The following WWOX variants were observed in gnomAD, a reference collection of about 807,000 sequenced individuals.
WWOX encodes the protein WW domain containing oxidoreductase.
A neutral mutation model predicts 46.2 loss-of-function variants in WWOX; 69 were observed. The ratio of observed to expected loss-of-function variants is 1.49; its 90% CI spans 1.23 to 1.82. The LOEUF is 1.82. WWOX is among the 40% of genes most tolerant of loss of function. The pLI is 0.00. For synonymous variants in WWOX, 359 were observed against 202.6 expected (o/e 1.77, Z -6.56); for missense variants, 919 against 542.6 (o/e 1.69, Z -6.89).
At chr16:78,873,293 G>C (rs2044166263) in intron 8 of WWOX, 1 of 152,200 alleles carries the variant, frequency 6.6e-6, no homozygotes, top group Non-Finnish European at 1.5e-5. Flanking sequence ...CCAACGTGTA[G>C]CTCCTAATTG....
chr16:78,463,749 C>T (rs1013906862), intron 8 of WWOX, among the ~76,000 whole-genome samples: 36 of 152,202 alleles, frequency 2.4e-4, no homozygotes, highest in Admixed American at 2.0e-3. Flanking sequence ...ATGCTTACTT[C>T]ATCCCAGGGC....
intron 8 of WWOX, among the ~76,000 whole-genome samples, chr16:78,869,737 T>C (rs2151201264): frequency 6.6e-6 from 1 of 152,354 alleles, no homozygotes; most frequent in Admixed American, 6.5e-5. Flanking sequence ...TGTAGATTTC[T>C]AGTTTCTAAA....
intron 8 of WWOX, among the ~76,000 whole-genome samples, chr16:78,546,360 G>A (rs935702613): frequency 5.3e-5 from 8 of 152,146 alleles, no homozygotes; most frequent in African/African-American, 1.4e-4. Context: ...TTTAAGGCCC[G>A]GTTCTGTATA....
At chr16:79,176,508 G>T (rs768026161) in intron 8 of WWOX, among the ~76,000 whole-genome samples, 4 of 152,200 alleles carry the variant, frequency 2.6e-5, no homozygotes, top group Non-Finnish European at 5.9e-5. Context: ...GATACACACA[G>T]TTTTCTCCCC....
intron 8 of WWOX, among the ~76,000 whole-genome samples, chr16:78,639,210 A>G (rs903439105): frequency 3.3e-5 from 5 of 152,194 alleles, no homozygotes; most frequent in African/African-American, 1.2e-4. Context: ...GTACTTCTGC[A>G]TGTGCGCAAA....
At chr16:79,013,207 C>A (rs1042339076) in intron 8 of WWOX, among the ~76,000 whole-genome samples, 2 of 152,226 alleles carry the variant, frequency 1.3e-5, no homozygotes, top group Non-Finnish European at 2.9e-5. Context: ...GCTCACTGTG[C>A]AGGAAGAGGC....
chr16:78,780,504 A>G (rs1297989268), intron 8 of WWOX: 1 of 152,252 alleles, frequency 6.6e-6, no homozygotes, highest in African/African-American at 2.4e-5. Flanking sequence ...GAAGAAGACA[A>G]TAGGCAAGTA....
At chr16:79,139,605 TC>T (rs2050049596) in intron 8 of WWOX, among the ~76,000 whole-genome samples, 2 of 152,202 alleles carry the variant, frequency 1.3e-5, no homozygotes, top group African/African-American at 4.8e-5. Context: ...TTTCTTTCTT[TC>T]TTTCTTTTCT....
intron 8 of WWOX, among the ~76,000 whole-genome samples, chr16:78,831,190 G>A (rs1275434366): frequency 6.6e-6 from 1 of 151,512 alleles, no homozygotes; most frequent in Non-Finnish European, 1.5e-5. Context: ...GGCTGTCTGA[G>A]CACCATCTCT....
intron 8 of WWOX, among the ~76,000 whole-genome samples, chr16:78,925,579 A>G (rs2045479575): frequency 6.6e-6 from 1 of 152,206 alleles, no homozygotes; most frequent in South Asian, 2.1e-4. Flanking sequence ...CAGAAGGGGT[A>G]GTATTACAGG....
intron 5 of WWOX, among the ~76,000 whole-genome samples, chr16:78,358,069 A>C (rs1049793172): frequency 6.6e-6 from 1 of 152,216 alleles, no homozygotes; most frequent in East Asian, 1.9e-4. Context: ...ATCTTTCTGC[A>C]TACACTTGGA....
Position 78,806,209 on chromosome 16 carries a change from C to G in WWOX, c.1056+373457C>G, listed in dbSNP as rs73575683. On this transcript the variant is annotated intron_variant, in intron 8 of 8. Coordinates refer to ENST00000566780, the MANE Select transcript of WWOX (RefSeq NM_016373.4). ...CTTGGTGTTTTTCTACAACCAAGAC[C>G]TTGAACTTTTTCCTCTCAGGATTTC... 5.4e-3 allele frequency among the ~76,000 whole-genome samples: 820 copies of G among 152,182 alleles called. 13 individuals are homozygous for G. The highest frequency in any genetic ancestry group is 0.019 in the African/African-American group (786 of 41,534).
At chr16:78,889,696 G>A (rs886513095) in intron 8 of WWOX, among the ~76,000 whole-genome samples, 11 of 152,030 alleles carry the variant, frequency 7.2e-5, no homozygotes, top group Non-Finnish European at 1.3e-4. Flanking sequence ...CTCAGTGTGG[G>A]CAGGTGACAA....
At chr16:78,389,370 G>T in intron 6 of WWOX, among the ~76,000 whole-genome samples, 1 of 152,130 alleles carries the variant, frequency 6.6e-6, no homozygotes, top group East Asian at 1.9e-4. Flanking sequence ...GAGAGTGGTG[G>T]CCCTGGAAGC....
intron 5 of WWOX, among the ~76,000 whole-genome samples, chr16:78,282,795 T>G (rs1473377463): frequency 6.7e-6 from 1 of 149,478 alleles, no homozygotes; most frequent in Non-Finnish European, 1.5e-5. Context: ...GGAGAATCGC[T>G]TGAACCTCGG....
chr16:78,753,457 T>G (rs191467310), intron 8 of WWOX, among the ~76,000 whole-genome samples: 31 of 152,256 alleles, frequency 2.0e-4, no homozygotes, highest in African/African-American at 7.5e-4. Flanking sequence ...CTCAGTTTTC[T>G]TTGTTGCAGC....
At chr16:78,128,228 T>C (rs75702892) in intron 4 of WWOX, among the ~76,000 whole-genome samples, 3,225 of 152,272 alleles carry the variant, frequency 0.021, 131 homozygotes, top group African/African-American at 0.074. Context: ...GAGAGGTTTC[T>C]GCAAATATCT....
At chr16:78,755,943 GAGACA>G (rs1380036687) in intron 8 of WWOX, among the ~76,000 whole-genome samples, 6 of 152,146 alleles carry the variant, frequency 3.9e-5, no homozygotes, top group Admixed American at 6.5e-5. Context: ...ATATGCCAAG[GAGACA>G]GTTTTCTGGC....
chr16:78,638,846 C>A (rs778491286), intron 8 of WWOX, among the ~76,000 whole-genome samples: 1 of 152,014 alleles, frequency 6.6e-6, no homozygotes, highest in African/African-American at 2.4e-5. Flanking sequence ...TGTGAAGATT[C>A]AGGAATTTTT....
Sources: allele counts gnomAD v4.1 joint callset (sites outside exome capture counted in the v4.1 genomes callset), GRCh38; gene constraint gnomAD v4.1.1; transcripts MANE v1.5; gene names NCBI Gene and HGNC (gene_info 2026-07-23, HGNC 2026-07-21).